The following CEMIP variants were observed in gnomAD, a reference collection of about 807,000 sequenced individuals.
CEMIP encodes cell migration-inducing and hyaluronan-binding protein.
A neutral mutation model predicts 156.9 loss-of-function variants in CEMIP; 105 were observed. The ratio of observed to expected loss-of-function variants is 0.67; its 90% CI spans 0.57 to 0.79. The LOEUF (loss-of-function observed/expected upper bound fraction) is 0.79. CEMIP is among the 30% of genes least tolerant of loss of function. The pLI, the probability that CEMIP is intolerant of heterozygous loss-of-function variation, is 0.00. For missense variants in CEMIP, 1,457 were observed against 1,769.4 expected, an observed-to-expected ratio of 0.82 and a Z score of 3.17; for synonymous variants, 676 against 668.4, an observed-to-expected ratio of 1.01 and a Z score of -0.17.
At chr15:80,782,369 G>A (rs1279952831) in intron 1 of CEMIP, among the ~76,000 whole-genome samples, 5 of 152,190 alleles carry the variant, frequency 3.3e-5, no homozygotes, top group South Asian at 4.1e-4. Flanking sequence ...TCATTGCCAA[G>A]CAGGAAGCAC....
chr15:80,824,458 G>T (rs1896983697), intron 1 of CEMIP, among the ~76,000 whole-genome samples: 1 of 152,160 alleles, frequency 6.6e-6, no homozygotes, highest in African/African-American at 2.4e-5. Flanking sequence ...GAAGAGTTCT[G>T]CTTGTTGCTC....
At chr15:80,934,263 GA>G (rs1433311745) in intron 23 of CEMIP, among the ~76,000 whole-genome samples, 4 of 152,096 alleles carry the variant, frequency 2.6e-5, no homozygotes, top group African/African-American at 7.2e-5. Context: ...AATGGGATAG[GA>G]AAAAATATTT....
chr15:80,864,803 T>A (rs1898080818), intron 1 of CEMIP, among the ~76,000 whole-genome samples: 1 of 152,204 alleles, frequency 6.6e-6, no homozygotes, highest in East Asian at 1.9e-4. Context: ...TAACTAACAG[T>A]TCTCAAACGT....
rs151240979 is a variant in CEMIP, at chr15:80,856,563, T to C, written c.-175-16975T>C. On this transcript the variant is annotated intron_variant, in intron 1 of 29. Transcript: ENST00000394685. ...TGGAGGGGAAAGCGATTATGTGGAA[T>C]CCTGGGGTCCCCTAGTGGTGAGTTA... Among the ~76,000 whole-genome samples, 578 of 152,302 alleles carry C rather than the reference T, an allele frequency of 3.8e-3. 9 individuals are homozygous for C. The highest frequency in any genetic ancestry group is 0.014 in the African/African-American group (566 of 41,568).
chr15:80,854,538 A>G (rs936777543), intron 1 of CEMIP, among the ~76,000 whole-genome samples: 2 of 152,230 alleles, frequency 1.3e-5, no homozygotes, highest in Non-Finnish European at 2.9e-5. Context: ...GAGCATCCAC[A>G]TTTGTTTTCA....
intron 1 of CEMIP, among the ~76,000 whole-genome samples, chr15:80,857,617 A>C (rs1048210405): frequency 6.6e-6 from 1 of 152,194 alleles, no homozygotes; most frequent in Non-Finnish European, 1.5e-5. Flanking sequence ...CACATTAGTC[A>C]CTGAGGATTG....
rs200838116 is a variant in CEMIP, at chr15:80,941,999, C to T, written c.3558C>T (p.Thr1186=). The change falls in exon 26 of 30, where the codon ACC becomes ACT. Residue 1186 remains threonine, a synonymous_variant. Coordinates refer to ENST00000394685, the MANE Select transcript of CEMIP (RefSeq NM_001293298.2). ...DCTATAYPKF[T]ERAVVDVPMP... ...CAGCCACAGCTTACCCCAAGTTCACCGAGAGGGCTGTCGTAGACGTGCCGA... is the reference window on the plus strand; with the variant it reads ...CAGCCACAGCTTACCCCAAGTTCACTGAGAGGGCTGTCGTAGACGTGCCGA... 55 of 1,613,966 alleles carry T rather than the reference C, an allele frequency of 3.4e-5. No homozygotes were observed. Among genetic ancestry groups the T allele is most frequent in the South Asian group, 2.2e-4 (20 of 91,058 alleles).
intron 18 of CEMIP, 113 bp from the exon 19 acceptor site, chr15:80,925,511 C>T (rs1900623778): frequency 7.6e-6 from 11 of 1,444,326 alleles, no homozygotes; most frequent in Admixed American, 3.7e-5. Flanking sequence ...TCTGTTCAGT[C>T]AATGCCTTCC....
chr15:80,888,277 C>T (rs1248220966), intron 8 of CEMIP, among the ~76,000 whole-genome samples: 5 of 151,894 alleles, frequency 3.3e-5, no homozygotes, highest in African/African-American at 9.7e-5. Flanking sequence ...GAGGAGATTG[C>T]ACCACTGCAC....
intron 7 of CEMIP, among the ~76,000 whole-genome samples, chr15:80,887,209 C>T (rs1271757343): frequency 6.6e-6 from 1 of 152,094 alleles, no homozygotes; most frequent in African/African-American, 2.4e-5. Context: ...CTCTCCTTTC[C>T]ACGGCCCAAG....
intron 12 of CEMIP, among the ~76,000 whole-genome samples, chr15:80,903,767 T>C (rs1899672672): frequency 6.6e-6 from 1 of 152,188 alleles, no homozygotes; most frequent in Non-Finnish European, 1.5e-5. Flanking sequence ...GCTCTCAGGA[T>C]CCACTCAGAA....
chr15:80,896,148 C>A, intron 12 of CEMIP, 88 bp downstream of exon 12: 2 of 1,326,162 alleles, frequency 1.5e-6, no homozygotes, highest in Non-Finnish European at 2.2e-6. Context: ...AAATCTGTAT[C>A]AGTCAGCTAT....
intron 1 of CEMIP, among the ~76,000 whole-genome samples, chr15:80,795,211 A>C (rs7174749): frequency 0.61 from 92,435 of 151,876 alleles, 30,185 homozygotes; most frequent in Non-Finnish European, 0.74. Context: ...GAAGACATGA[A>C]ATTTCAAGCA....
At chr15:80,888,388 T>G (rs1295003139) in intron 8 of CEMIP, among the ~76,000 whole-genome samples, 6 of 152,084 alleles carry the variant, frequency 3.9e-5, no homozygotes, top group African/African-American at 7.2e-5. Flanking sequence ...TAGCCTCCTT[T>G]GCCCAGCAAA....
chr15:80,920,682 C>T (rs911634049), intron 15 of CEMIP, among the ~76,000 whole-genome samples: 3 of 152,146 alleles, frequency 2.0e-5, no homozygotes, highest in African/African-American at 7.2e-5. Flanking sequence ...GGGGTGAGAG[C>T]TCTCTGTGCA....
chr15:80,863,418 A>C (rs1371377776), intron 1 of CEMIP, among the ~76,000 whole-genome samples: 1 of 152,116 alleles, frequency 6.6e-6, no homozygotes, highest in Non-Finnish European at 1.5e-5. Context: ...GGGAAGGAAA[A>C]TGTGTTCACG....
intron 12 of CEMIP, among the ~76,000 whole-genome samples, chr15:80,902,497 C>G (rs1454210393): frequency 2.0e-5 from 3 of 152,160 alleles, no homozygotes; most frequent in African/African-American, 4.8e-5. Flanking sequence ...CGGATAGCAG[C>G]CTGGGAGTGG....
chr15:80,810,517 T>A (rs890868001), intron 1 of CEMIP, among the ~76,000 whole-genome samples: 1 of 152,058 alleles, frequency 6.6e-6, no homozygotes, highest in South Asian at 2.1e-4. Flanking sequence ...ACAGGCGCCC[T>A]CCACTGCGGC....
chr15:80,925,194 T>C (rs550811664), intron 18 of CEMIP, among the ~76,000 whole-genome samples: 1 of 152,344 alleles, frequency 6.6e-6, no homozygotes, highest in Non-Finnish European at 1.5e-5. Flanking sequence ...CAAAAGTGGG[T>C]AACACTGGTA....
Sources: allele counts gnomAD v4.1 joint callset (sites outside exome capture counted in the v4.1 genomes callset), GRCh38; gene constraint gnomAD v4.1.1; transcripts MANE v1.5; gene names NCBI Gene and HGNC (gene_info 2026-07-23, HGNC 2026-07-21).